Variants in SUMF1 observed in about 807,000 individuals in gnomAD.
SUMF1 encodes the protein sulfatase modifying factor 1.
SUMF1 carries 48 observed loss-of-function variants against 47.6 expected under a neutral mutation model. That is an observed-to-expected ratio of 1.01 (90% confidence interval 0.80 to 1.28). The LOEUF (loss-of-function observed/expected upper bound fraction) is 1.28, where lower values mean the gene tolerates loss of function less well. Among genes scored for constraint, SUMF1 ranks in the 50% most tolerant of loss-of-function variants. The probability of loss-of-function intolerance (pLI) is 0.00; values close to 1 mark genes in which losing one functional copy is unlikely to be tolerated. For missense variants in SUMF1, 571 were observed against 485.4 expected (o/e 1.18, Z -1.66); for synonymous variants, 230 against 192.1 (o/e 1.20, Z -1.63).
chr3:4,239,919 G>C (rs1183491603), intron 8 of SUMF1, among the ~76,000 whole-genome samples: 2 of 151,812 alleles, frequency 1.3e-5, no homozygotes, highest in African/African-American at 4.8e-5. Flanking sequence ...GTCATAAATA[G>C]CTAGTATTTT....
At chr3:4,053,150 G>A (rs1190018923) in intron 9 of SUMF1, among the ~76,000 whole-genome samples, 1 of 152,068 alleles carries the variant, frequency 6.6e-6, no homozygotes, top group African/African-American at 2.4e-5. Context: ...GGCTATTAAT[G>A]GGCCTAATTT....
chr3:4,341,467 T>C (rs909635523), intron 8 of SUMF1, among the ~76,000 whole-genome samples: 7 of 152,192 alleles, frequency 4.6e-5, no homozygotes, highest in Non-Finnish European at 7.3e-5. Flanking sequence ...ACATAGCTTT[T>C]CTTTATTTTT....
intron 9 of SUMF1, among the ~76,000 whole-genome samples, chr3:4,037,339 T>G: frequency 6.6e-6 from 1 of 152,194 alleles, no homozygotes; most frequent in East Asian, 1.9e-4. Flanking sequence ...CTAAGTGGTC[T>G]CCTTATCCAC....
intron 3 of SUMF1, among the ~76,000 whole-genome samples, chr3:4,430,856 G>A (rs1262234159): frequency 6.6e-6 from 1 of 152,132 alleles, no homozygotes; most frequent in Non-Finnish European, 1.5e-5. Context: ...GGCAGGGCAG[G>A]AGTGGGAAGG....
chr3:4,178,454 A>C (rs563550953), intron 8 of SUMF1, among the ~76,000 whole-genome samples: 3 of 152,190 alleles, frequency 2.0e-5, no homozygotes, highest in Non-Finnish European at 2.9e-5. Context: ...TGATTATCTC[A>C]ATAGATGCAG....
chr3:4,349,559 C>T (rs546855875), intron 8 of SUMF1, among the ~76,000 whole-genome samples: 17 of 152,240 alleles, frequency 1.1e-4, no homozygotes, highest in African/African-American at 3.1e-4. Context: ...GCACTATTTA[C>T]GATAGCAAAG....
rs1357160335 is a variant in SUMF1, at chr3:4,267,936, C to T, written c.1014+108394G>A. 3.3e-5 allele frequency among the ~76,000 whole-genome samples: 5 copies of T among 150,804 alleles called. No homozygotes were observed. In the Admixed American group the frequency reaches 3.3e-4, roughly 10 times the overall value. ...ATGCTGCTATAAAGACACATGCACACGTATGTTTATTGTGGCACTATTCAC... is the reference window on the plus strand; with the variant it reads ...ATGCTGCTATAAAGACACATGCACATGTATGTTTATTGTGGCACTATTCAC... On this transcript the variant is annotated intron_variant and NMD_transcript_variant, in intron 8 of 12. Transcript: ENST00000448413.
chr3:4,187,885 G>C (rs1020195578), intron 8 of SUMF1, among the ~76,000 whole-genome samples: 2 of 152,008 alleles, frequency 1.3e-5, no homozygotes, highest in Admixed American at 1.3e-4. Context: ...CCATACACCC[G>C]GACCTTAACA....
At chr3:4,303,128 A>G (rs150597770) in intron 8 of SUMF1, among the ~76,000 whole-genome samples, 10 of 152,296 alleles carry the variant, frequency 6.6e-5, no homozygotes, top group Middle Eastern at 6.8e-3. Flanking sequence ...GGAAAAACTA[A>G]AGCACCTCAC....
chr3:4,081,856 T>G (rs562243121), intron 8 of SUMF1, among the ~76,000 whole-genome samples: 1 of 152,118 alleles, frequency 6.6e-6, no homozygotes, highest in Admixed American at 6.5e-5. Context: ...TGATAAAGTA[T>G]GTAAAGCTCA....
At chr3:4,230,759 C>T (rs1242804) in intron 8 of SUMF1, among the ~76,000 whole-genome samples, 27,916 of 152,022 alleles carry the variant, frequency 0.18, 3,071 homozygotes, top group South Asian at 0.38. Context: ...GTGACCAGCC[C>T]CCATTCTGAA....
chr3:4,467,233 C>A lies in SUMF1; in HGVS notation c.13G>T (p.Ala5Ser). 6.2e-7 allele frequency: 1 copy of A among 1,609,238 alleles called. No homozygotes were observed. Among genetic ancestry groups the A allele is most frequent in the Non-Finnish European group, 8.5e-7 (1 of 1,178,282 alleles). Reference protein sequence around the residue: MAAPALGLVCGRCPE... With the variant: MAAPSLGLVCGRCPE... ...CAACGTCCACACACCAGCCCTAGTG[C>A]GGGCGCAGCCATGTTGTCCCGCGGG... Residue 5 changes from alanine (A) to serine (S), a missense_variant, in exon 1 of 9, where the codon GCA (alanine) becomes TCA (serine). By Grantham distance (99) the Ala-to-Ser change is moderately conservative. Coordinates refer to ENST00000272902, the MANE Select transcript of SUMF1 (RefSeq NM_182760.4).
At chr3:4,430,862 G>T (rs1702211818) in intron 3 of SUMF1, among the ~76,000 whole-genome samples, 1 of 152,116 alleles carries the variant, frequency 6.6e-6, no homozygotes, top group South Asian at 2.1e-4. Flanking sequence ...GCAGGAGTGG[G>T]AAGGGCATTC....
chr3:4,420,302 G>A (rs111931403), intron 3 of SUMF1, among the ~76,000 whole-genome samples, 156 bp from the exon 4 acceptor site: 30 of 151,810 alleles, frequency 2.0e-4, no homozygotes, highest in African/African-American at 7.0e-4. Flanking sequence ...AGACTTATAT[G>A]TAAATAAATC....
At chr3:4,328,245 T>A (rs184981157) in intron 8 of SUMF1, among the ~76,000 whole-genome samples, 161 of 152,050 alleles carry the variant, frequency 1.1e-3, no homozygotes, top group South Asian at 2.3e-3. Flanking sequence ...ATTTAAAAAA[T>A]AAATGAATAA....
chr3:4,143,786 C>T (rs928588718), intron 8 of SUMF1, among the ~76,000 whole-genome samples: 8 of 152,080 alleles, frequency 5.3e-5, no homozygotes, highest in African/African-American at 1.9e-4. Flanking sequence ...GCCCTCACTA[C>T]TGAAATTGGG....
At chr3:4,120,563 CA>C (rs373679078) in intron 8 of SUMF1, among the ~76,000 whole-genome samples, 34 of 152,206 alleles carry the variant, frequency 2.2e-4, no homozygotes, top group African/African-American at 7.9e-4. Flanking sequence ...CTCCTGGAGT[CA>C]CAATTACACC....
chr3:4,402,166 T>C (rs1488088687), intron 7 of SUMF1, among the ~76,000 whole-genome samples: 1 of 152,206 alleles, frequency 6.6e-6, no homozygotes, highest in Admixed American at 6.5e-5. Context: ...GGCATTTACT[T>C]AAGAAACTAA....
At chr3:4,253,815 C>G (rs1696871540) in intron 8 of SUMF1, among the ~76,000 whole-genome samples, 1 of 148,020 alleles carries the variant, frequency 6.8e-6, no homozygotes, top group Non-Finnish European at 1.5e-5. Flanking sequence ...GGGCAGGGCA[C>G]AGACAAACAA....
Sources: gnomAD v4.1 joint callset for allele counts (sites outside exome capture counted in the v4.1 genomes callset) on GRCh38, gnomAD v4.1.1 for gene constraint, MANE v1.5 for transcripts, NCBI Gene and HGNC (gene_info 2026-07-23, HGNC 2026-07-21) for gene names.